PSMD5: variants seen among roughly 807,000 people sequenced by gnomAD.
The protein encoded by PSMD5 is 26S proteasome non-ATPase regulatory subunit 5.
Under a neutral mutation model 52.1 loss-of-function variants are expected in PSMD5, and 40 were observed. The ratio of observed to expected loss-of-function variants is 0.77; its 90% CI spans 0.60 to 1.00. PSMD5 has a LOEUF of 1.00. PSMD5 is among the 50% of genes least tolerant of loss of function. The pLI is 0.00. For synonymous variants in PSMD5, 211 were observed against 226.6 expected (o/e 0.93, Z 0.62); for missense variants, 575 against 605.2 (o/e 0.95, Z 0.52).
intron 4 of PSMD5, among the ~76,000 whole-genome samples, chr9:120,830,325 C>T (rs2045151157): frequency 6.6e-6 from 1 of 152,016 alleles, no homozygotes; most frequent in African/African-American, 2.4e-5. Flanking sequence ...ACCCAAGGGG[C>T]CAAGAGTGAG....
At chr9:120,826,534 C>T in intron 6 of PSMD5, 1 of 472,456 alleles carries the variant, frequency 2.1e-6, no homozygotes, top group Non-Finnish European at 3.7e-6. Flanking sequence ...CTGAACCCTC[C>T]CTGCATCCAT....
At chr9:120,828,461 T>TG (rs1786336645) in intron 5 of PSMD5, among the ~76,000 whole-genome samples, 6 of 150,694 alleles carry the variant, frequency 4.0e-5, no homozygotes, top group African/African-American at 1.5e-4. Context: ...TTTTTTTTTT[T>TG]GAGACAGAGT....
intron 7 of PSMD5, among the ~76,000 whole-genome samples, chr9:120,823,214 CTTT>C (rs1322695765): frequency 7.2e-6 from 1 of 139,842 alleles, no homozygotes. Context: ...TTCTTTCTTT[CTTT>C]TTTTTTTTTT....
chr9:120,837,329 G>A (rs544382512), intron 1 of PSMD5, among the ~76,000 whole-genome samples: 1 of 152,106 alleles, frequency 6.6e-6, no homozygotes, highest in Non-Finnish European at 1.5e-5. Context: ...CTGAAGAACC[G>A]AATGTTTAAT....
chr9:120,816,180 T>C lies in PSMD5; in HGVS notation c.*1726A>G, dbSNP rs2045040652. ...TCTGATGTTAAGTGAATAAAATCAA[T>C]GTCATGAAGCAGAATGGTGGTTGCC... On this transcript the variant is annotated 3_prime_UTR_variant, in exon 10 of 10. Coordinates refer to ENST00000210313, the MANE Select transcript of PSMD5 (RefSeq NM_005047.4). 2 of 152,236 alleles carry C rather than the reference T, an allele frequency of 1.3e-5. No homozygotes were observed. Among genetic ancestry groups the C allele is most frequent in the Admixed American group, 6.5e-5 (1 of 15,276 alleles). The allele number at this position is 152,236 out of a possible 1,614,324, so 9.4% of individuals were successfully genotyped here.
In PSMD5 at chr9:120,842,763, G is replaced by T. The variant is rs1206631291; in HGVS notation, c.147C>A (p.Leu49=). ...QQAAELRLGP[L]FSLLNENHRE... is the part of the protein sequence containing the mutation. ...TATGGTTCTCGTTAAGCAGGGAGAA[G>T]AGCGGGCCGAGGCGCAGCTCCGCCG... The change falls in exon 1 of 10, where the codon CTC becomes CTA. Residue 49 remains leucine, a synonymous_variant. Coordinates refer to ENST00000210313, the MANE Select transcript of PSMD5 (RefSeq NM_005047.4). 3.7e-6 allele frequency: 6 copies of T among 1,613,278 alleles called. No individual in the cohort carries two copies. Among genetic ancestry groups the T allele is most frequent in the Non-Finnish European group, 5.1e-6 (6 of 1,180,020 alleles).
intron 1 of PSMD5, among the ~76,000 whole-genome samples, chr9:120,841,541 T>C (rs971380644): frequency 1.8e-4 from 28 of 152,126 alleles, no homozygotes; most frequent in South Asian, 2.1e-4. Context: ...ATCGCGCCAC[T>C]GCACTCCAAC....
intron 7 of PSMD5, 59 bp from the exon 8 acceptor site, chr9:120,821,523 T>C: frequency 8.1e-7 from 1 of 1,239,460 alleles, no homozygotes; most frequent in South Asian, 1.6e-5. Flanking sequence ...CAACATAAAA[T>C]TTACCATTTT....
At chr9:120,823,510 C>CTTTTTTTTTTTTTTTTTTTTTT (rs1263218977) in intron 7 of PSMD5, among the ~76,000 whole-genome samples, 1 of 108,664 alleles carries the variant, frequency 9.2e-6, no homozygotes, top group African/African-American at 3.5e-5. Context: ...TACCTGGCCT[C>CTTTTTTTTTTTTTTTTTTTTTT]TTTTTTTTTT....
At chr9:120,829,355 A>C in intron 4 of PSMD5, 147 bp from the exon 5 acceptor site, 1 of 962,970 alleles carries the variant, frequency 1.0e-6, no homozygotes, top group Non-Finnish European at 1.4e-6. Context: ...AAGTAGAAAA[A>C]CTTCAGTGAA....
At chr9:120,822,333 G>A (rs1398181757) in intron 7 of PSMD5, among the ~76,000 whole-genome samples, 1 of 152,134 alleles carries the variant, frequency 6.6e-6, no homozygotes, top group African/African-American at 2.4e-5. Context: ...ACCTGGACTT[G>A]AGTAGCAGCT....
At chr9:120,820,238 AG>A (rs574748522) in intron 9 of PSMD5, among the ~76,000 whole-genome samples, 205 of 152,350 alleles carry the variant, frequency 1.3e-3, no homozygotes, top group Middle Eastern at 0.01. Flanking sequence ...CATGAAAGGA[AG>A]GTCTTTATAT....
At position 120,817,594 on chromosome 9, in the gene PSMD5, T is replaced by C. The variant is rs1194083302; in HGVS notation, c.*312A>G. The C allele has an allele frequency of 3.2e-5, 9 of 277,884 alleles. No homozygotes were observed. Among genetic ancestry groups the C allele is most frequent in the Admixed American group, 9.4e-5 (2 of 21,314 alleles). The allele number at this position is 277,884 out of a possible 1,614,324, so 17.2% of individuals were successfully genotyped here. A position where few individuals can be genotyped will look rare whatever the true frequency, so the allele number is the denominator to read the frequency against. Reference sequence around the variant, plus strand: ...CCCTGAAGCAGGCTTTTAGATAAGATTGCATGTCCATGAAAATTTTGAGGG... The same window carrying C: ...CCCTGAAGCAGGCTTTTAGATAAGACTGCATGTCCATGAAAATTTTGAGGG... On this transcript the variant is annotated 3_prime_UTR_variant, in exon 10 of 10. Transcript: ENST00000210313.
intron 3 of PSMD5, 183 bp from the exon 4 acceptor site, chr9:120,831,642 T>C (rs2045160937): frequency 6.3e-6 from 7 of 1,103,860 alleles, no homozygotes; most frequent in East Asian, 2.6e-5. Flanking sequence ...ATGTATATCC[T>C]AGAAAATGAA....
In PSMD5 at chr9:120,842,842, C is replaced by A. The variant is rs1466723025; in HGVS notation, c.68G>T (p.Arg23Leu). The change falls in exon 1 of 10, where the codon CGC (arginine) becomes CTC (leucine). Residue 23 changes from arginine to leucine, a missense_variant. Coordinates refer to ENST00000210313, the MANE Select transcript of PSMD5 (RefSeq NM_005047.4). ...ARLEAPLEEL[R>L]ALHSVLQAVP... ...TGCCTGCAGCACGGAGTGAAGCGCG[C>A]GTAGCTCCTCCAGCGGCGCTTCCAG... The A allele has an allele frequency of 1.2e-6, 2 of 1,608,954 alleles. No individual in the cohort carries two copies. Among genetic ancestry groups the A allele is most frequent in the Non-Finnish European group, 8.5e-7 (1 of 1,179,214 alleles).
At chr9:120,833,602 G>A in intron 1 of PSMD5, 146 bp from the exon 2 acceptor site, 2 of 746,130 alleles carry the variant, frequency 2.7e-6, no homozygotes, top group Non-Finnish European at 2.1e-6. Context: ...CTAAACATTT[G>A]CTAAGTACCT....
chr9:120,821,984 A>T (rs2045088787), intron 7 of PSMD5, among the ~76,000 whole-genome samples: 1 of 152,198 alleles, frequency 6.6e-6, no homozygotes, highest in African/African-American at 2.4e-5. Flanking sequence ...ACATGACTGT[A>T]CAAACATTTG....
rs377154679 is a variant in PSMD5, at chr9:120,832,796, G to T, written c.318+516C>A. ...CATTTCAACAAGATAATCCTTAGCA[G>T]CAGCTCTTCACTCAAATAGCAAGGA... is the stretch of plus-strand genomic sequence containing the variant. On this transcript the variant is annotated intron_variant, in intron 2 of 9. Coordinates refer to ENST00000210313, the MANE Select transcript of PSMD5 (RefSeq NM_005047.4). Among the ~76,000 whole-genome samples, 71 of 152,320 alleles carry T rather than the reference G, an allele frequency of 4.7e-4. 1 individual carries two copies. Among genetic ancestry groups the T allele is most frequent in the African/African-American group, 1.5e-3 (64 of 41,580 alleles).
chr9:120,830,813 CTTA>C, intron 4 of PSMD5, among the ~76,000 whole-genome samples: 1 of 152,078 alleles, frequency 6.6e-6, no homozygotes, highest in Admixed American at 6.5e-5. Flanking sequence ...AGGGCCATTT[CTTA>C]TTACTACTAC....
Sources: gnomAD v4.1 joint callset for allele counts (sites outside exome capture counted in the v4.1 genomes callset) on GRCh38, gnomAD v4.1.1 for gene constraint, MANE v1.5 for transcripts, NCBI Gene and HGNC (gene_info 2026-07-23, HGNC 2026-07-21) for gene names.